CPQ: variants seen among roughly 807,000 people sequenced by gnomAD.
The protein encoded by CPQ is carboxypeptidase Q, also known as Ser-Met dipeptidase.
CPQ carries 37 observed loss-of-function variants against 45.7 expected under a neutral mutation model. The ratio of observed to expected loss-of-function variants is 0.81; its 90% CI spans 0.62 to 1.07. The LOEUF (loss-of-function observed/expected upper bound fraction) is 1.07, where lower values mean the gene tolerates loss of function less well. Among genes scored for constraint, CPQ ranks in the 50% least tolerant of loss-of-function variants. The pLI is 0.00. For missense variants in CPQ, 537 were observed against 572.9 expected (o/e 0.94, Z 0.64); for synonymous variants, 186 against 205.8 (o/e 0.90, Z 0.82).
At chr8:96,726,956 G>A (rs1265782559) in intron 1 of CPQ, among the ~76,000 whole-genome samples, 1 of 152,110 alleles carries the variant, frequency 6.6e-6, no homozygotes, top group African/African-American at 2.4e-5. Flanking sequence ...AAATTACCCA[G>A]TTTCAGGTTT....
At chr8:97,003,771 G>T (rs1165719668) in intron 5 of CPQ, among the ~76,000 whole-genome samples, 1 of 152,134 alleles carries the variant, frequency 6.6e-6, no homozygotes, top group African/African-American at 2.4e-5. Context: ...AGGAAGGGGG[G>T]ATAATTATCA....
At chr8:96,817,524 A>C (rs962957489) in intron 2 of CPQ, among the ~76,000 whole-genome samples, 10 of 151,948 alleles carry the variant, frequency 6.6e-5, no homozygotes. Context: ...AGGGGGTTTG[A>C]TCTTCTGTCC....
chr8:96,807,248 T>C (rs1461746918), intron 2 of CPQ, among the ~76,000 whole-genome samples: 1 of 152,086 alleles, frequency 6.6e-6, no homozygotes, highest in Non-Finnish European at 1.5e-5. Context: ...TTATTTTTTA[T>C]TTTTTGAGAC....
intron 7 of CPQ, among the ~76,000 whole-genome samples, chr8:97,101,483 T>A (rs1811303234): frequency 6.6e-6 from 1 of 151,428 alleles, no homozygotes; most frequent in Non-Finnish European, 1.5e-5. Context: ...TCTCTCTCTC[T>A]CTGTTTCTCT....
chr8:96,818,996 C>A (rs1811264861), intron 2 of CPQ, among the ~76,000 whole-genome samples: 1 of 152,084 alleles, frequency 6.6e-6, no homozygotes, highest in Non-Finnish European at 1.5e-5. Flanking sequence ...CCATCTCCAT[C>A]ATCTTTGTTT....
At chr8:96,907,501 T>C (rs529083974) in intron 4 of CPQ, among the ~76,000 whole-genome samples, 1 of 152,326 alleles carries the variant, frequency 6.6e-6, no homozygotes, top group East Asian at 1.9e-4. Flanking sequence ...AACTCTATTG[T>C]TACTGCTGTT....
chr8:96,842,036 A>C (rs909888822), intron 3 of CPQ, among the ~76,000 whole-genome samples: 1 of 152,208 alleles, frequency 6.6e-6, no homozygotes, highest in Non-Finnish European at 1.5e-5. Context: ...TTAAGAAAGC[A>C]TCTTGATGAG....
At chr8:96,812,263 T>C (rs1229884203) in intron 2 of CPQ, among the ~76,000 whole-genome samples, 1 of 152,198 alleles carries the variant, frequency 6.6e-6, no homozygotes, top group Non-Finnish European at 1.5e-5. Context: ...CAAGATTCTT[T>C]GGCACCTGCA....
intron 1 of CPQ, among the ~76,000 whole-genome samples, chr8:96,675,134 C>G (rs906625502): frequency 6.6e-6 from 1 of 151,960 alleles, no homozygotes; most frequent in Non-Finnish European, 1.5e-5. Context: ...GTAATATATA[C>G]AAGTGGAACA....
intron 4 of CPQ, among the ~76,000 whole-genome samples, chr8:96,941,283 G>A (rs1440554113): frequency 6.6e-6 from 1 of 152,132 alleles, no homozygotes; most frequent in African/African-American, 2.4e-5. Context: ...GCTGGGATTG[G>A]CTGAACTTGT....
chr8:97,044,123 A>G (rs1394215805), intron 6 of CPQ, among the ~76,000 whole-genome samples: 1 of 152,180 alleles, frequency 6.6e-6, no homozygotes, highest in African/African-American at 2.4e-5. Context: ...AGGTACACCA[A>G]TCAGACGTAG....
At chr8:97,033,566 C>T (rs538823951) in intron 6 of CPQ, among the ~76,000 whole-genome samples, 5 of 151,520 alleles carry the variant, frequency 3.3e-5, no homozygotes, top group Admixed American at 6.6e-5. Context: ...CTAATATTAG[C>T]CTATGTAAGT....
At chr8:96,940,207 C>T (rs549603870) in intron 4 of CPQ, among the ~76,000 whole-genome samples, 1 of 152,104 alleles carries the variant, frequency 6.6e-6, no homozygotes, top group Admixed American at 6.5e-5. Context: ...AACAAATCTG[C>T]CAAATGGGCC....
At chr8:97,020,285 A>G (rs1189289424) in intron 5 of CPQ, among the ~76,000 whole-genome samples, 1 of 152,136 alleles carries the variant, frequency 6.6e-6, no homozygotes, top group Admixed American at 6.6e-5. Context: ...CTGAAAGAGC[A>G]CAAATTGAGA....
rs565260980 is a variant in CPQ, at chr8:97,102,378, T to A, written c.1255+36168T>A. ...CTTTTTCCAGAAGTAGAGAGAGGAA[T>A]AGGGGAGAGGTTCTGTGATGGGAAA... On this transcript the variant is annotated intron_variant, in intron 7 of 7. Transcript: ENST00000220763. Among the ~76,000 whole-genome samples, 6 of 152,228 alleles carry A rather than the reference T, an allele frequency of 3.9e-5. No homozygotes were observed. The South Asian group carries it at 1.0e-3, about 26-fold the overall frequency.
intron 7 of CPQ, among the ~76,000 whole-genome samples, chr8:97,123,124 T>TAAATAAAATA (rs1257317280): frequency 2.0e-5 from 1 of 49,776 alleles, no homozygotes; most frequent in African/African-American, 1.1e-4. Context: ...TAAAATAAAA[T>TAAATAAAATA]AAATAAAATA....
intron 1 of CPQ, among the ~76,000 whole-genome samples, chr8:96,691,641 C>G (rs1474556397): frequency 6.6e-6 from 1 of 152,080 alleles, no homozygotes; most frequent in Admixed American, 6.6e-5. Context: ...TACATTTGGA[C>G]AATAATATAA....
chr8:96,855,371 A>G (rs1403489086), intron 3 of CPQ, among the ~76,000 whole-genome samples: 3 of 152,190 alleles, frequency 2.0e-5, no homozygotes, highest in African/African-American at 4.8e-5. Flanking sequence ...ACAGCAGTTC[A>G]TGATCTGGTA....
intron 3 of CPQ, among the ~76,000 whole-genome samples, chr8:96,864,011 T>C (rs1811964280): frequency 6.6e-6 from 1 of 152,116 alleles, no homozygotes; most frequent in South Asian, 2.1e-4. Context: ...GATTATAGGC[T>C]ACATAGTAAC....
Sources: allele counts gnomAD v4.1 joint callset (sites outside exome capture counted in the v4.1 genomes callset), GRCh38; gene constraint gnomAD v4.1.1; transcripts MANE v1.5; gene names NCBI Gene and HGNC (gene_info 2026-07-23, HGNC 2026-07-21).